The following DHRS7B variants were observed in gnomAD, a reference collection of about 807,000 sequenced individuals.
The protein encoded by DHRS7B is dehydrogenase/reductase 7B, also known as peroxisomal reductase activating PPAR-gamma.
DHRS7B carries 24 observed loss-of-function variants against 26.4 expected under a neutral mutation model. That is an observed-to-expected ratio of 0.91 (90% CI 0.66 to 1.28). The LOEUF (loss-of-function observed/expected upper bound fraction) is 1.28, where lower values mean the gene tolerates loss of function less well. Ranked by LOEUF, DHRS7B falls within the 50% of genes most tolerant of loss-of-function variation. DHRS7B has a pLI of 0.00. For synonymous variants in DHRS7B, 142 were observed against 166.4 expected (o/e 0.85, Z 1.13); for missense variants, 368 against 419.4 (o/e 0.88, Z 1.07).
chr17:21,132,522 C>A (rs1973256871), intron 1 of DHRS7B, among the ~76,000 whole-genome samples: 1 of 122,636 alleles, frequency 8.2e-6, no homozygotes, highest in African/African-American at 3.1e-5. Flanking sequence ...CAGAGGGAGA[C>A]CTTGTCTCAA....
chr17:21,187,047 A>G (rs577937411), intron 5 of DHRS7B, among the ~76,000 whole-genome samples: 1 of 151,574 alleles, frequency 6.6e-6, no homozygotes, highest in African/African-American at 2.4e-5. Context: ...GAAGAAAGCT[A>G]CTTGCAGGAA....
chr17:21,128,593 G>A (rs1973154273), intron 1 of DHRS7B: 3 of 152,202 alleles, frequency 2.0e-5, no homozygotes, highest in African/African-American at 7.2e-5. Flanking sequence ...CCAGCTACTA[G>A]GGAGGCTGAG....
intron 1 of DHRS7B, among the ~76,000 whole-genome samples, chr17:21,157,225 A>G (rs58963367): frequency 0.043 from 6,599 of 152,330 alleles, 182 homozygotes; most frequent in South Asian, 0.073. Context: ...TGAGACTTCC[A>G]TTACCCTAAT....
At chr17:21,176,071 C>T (rs1389469594) in intron 2 of DHRS7B, among the ~76,000 whole-genome samples, 5 of 151,996 alleles carry the variant, frequency 3.3e-5, no homozygotes, top group African/African-American at 7.2e-5. Context: ...GATCATGGCT[C>T]ACTTGACTTC....
chr17:21,191,344 G>A lies in DHRS7B; in HGVS notation c.*191G>A. ...ACGACAACAAGCTTCTTCCCAGGGT[G>A]AGGGGAAACACTTAAGGAATAAATA... On this transcript the variant is annotated 3_prime_UTR_variant, in exon 7 of 7. Coordinates refer to ENST00000395511, the MANE Select transcript of DHRS7B (RefSeq NM_015510.5). 1 of 612,786 alleles carries A rather than the reference G, an allele frequency of 1.6e-6. No individual in the cohort carries two copies. Among genetic ancestry groups the A allele is most frequent in the Middle Eastern group, 4.4e-4 (1 of 2,276 alleles). 38.0% of individuals were successfully genotyped at this position (612,786 alleles called of 1,614,324 possible). A position where few individuals can be genotyped will look rare whatever the true frequency, so the allele number is the denominator to read the frequency against.
intron 1 of DHRS7B, among the ~76,000 whole-genome samples, chr17:21,142,682 AC>A (rs965293279): frequency 4.5e-5 from 6 of 133,824 alleles, no homozygotes; most frequent in Admixed American, 1.5e-4. Context: ...CCACCCCCTC[AC>A]CCCCCTCCCC....
chr17:21,143,685 T>C (rs931992176), intron 1 of DHRS7B, among the ~76,000 whole-genome samples: 1 of 152,208 alleles, frequency 6.6e-6, no homozygotes, highest in African/African-American at 2.4e-5. Flanking sequence ...CAAATTATGA[T>C]AGTAAAATAG....
chr17:21,132,537 AAAAAAAAAAAAAC>A (rs1360733975), intron 1 of DHRS7B, among the ~76,000 whole-genome samples: 1 of 148,024 alleles, frequency 6.8e-6, no homozygotes, highest in Admixed American at 6.7e-5. Context: ...TCTCAAAAAA[AAAAAAAAAAAAAC>A]AAAAAAAAAA....
intron 1 of DHRS7B, among the ~76,000 whole-genome samples, chr17:21,131,974 T>C (rs1973239586): frequency 6.6e-6 from 1 of 152,180 alleles, no homozygotes; most frequent in Non-Finnish European, 1.5e-5. Flanking sequence ...CTGTACTGAG[T>C]TCCTATTAAG....
intron 3 of DHRS7B, among the ~76,000 whole-genome samples, chr17:21,182,307 G>C (rs1438674780): frequency 1.3e-5 from 2 of 151,584 alleles, no homozygotes; most frequent in African/African-American, 4.9e-5. Flanking sequence ...GGAGTGCAAT[G>C]GTGCGATCTC....
intron 1 of DHRS7B, among the ~76,000 whole-genome samples, chr17:21,149,752 C>A (rs766059731): frequency 2.6e-4 from 40 of 151,938 alleles, no homozygotes; most frequent in Non-Finnish European, 3.1e-4. Flanking sequence ...CTCATGGGAA[C>A]CACAATGCAA....
chr17:21,161,068 G>A (rs1973989506), intron 1 of DHRS7B, among the ~76,000 whole-genome samples: 2 of 152,198 alleles, frequency 1.3e-5, no homozygotes, highest in South Asian at 2.1e-4. Context: ...ATGAATAGGT[G>A]GAGCACAGAG....
rs1318440000 is a variant in DHRS7B at position 21,191,399 on chromosome 17, A to AAAT, written c.*249_*251dup. On this transcript the variant is annotated 3_prime_UTR_variant, in exon 7 of 7. Transcript: ENST00000395511. ...GCTGGGGTTTAACACTAAAAACTAGAAATAAACATCTCAAACAGTAAGAGT... is the reference window on the plus strand; with the variant it reads ...GCTGGGGTTTAACACTAAAAACTAGAAATAATAAACATCTCAAACAGTAAGAGT... 5 of 512,570 alleles carry AAAT rather than the reference A, an allele frequency of 9.8e-6. No homozygotes were observed. The East Asian group carries it at 1.7e-4, about 18-fold the overall frequency. 31.8% of individuals were successfully genotyped at this position (512,570 alleles called of 1,614,324 possible).
At chr17:21,143,012 TC>T (rs1973558691) in intron 1 of DHRS7B, among the ~76,000 whole-genome samples, 1 of 152,232 alleles carries the variant, frequency 6.6e-6, no homozygotes, top group South Asian at 2.1e-4. Context: ...CATCACAACC[TC>T]CACCTCCTGG....
At chr17:21,180,013 G>T (rs191278528) in intron 3 of DHRS7B, among the ~76,000 whole-genome samples, 1 of 150,132 alleles carries the variant, frequency 6.7e-6, no homozygotes, top group African/African-American at 2.5e-5. Flanking sequence ...CGATCCACCC[G>T]CCTGGGGCCT....
chr17:21,171,251 G>A (rs2144123113), intron 1 of DHRS7B, among the ~76,000 whole-genome samples: 1 of 152,356 alleles, frequency 6.6e-6, no homozygotes, highest in South Asian at 2.1e-4. Flanking sequence ...AGGTTCAGGG[G>A]AAATAAGGGC....
At chr17:21,147,537 A>T (rs1302643487) in intron 1 of DHRS7B, among the ~76,000 whole-genome samples, 2 of 152,110 alleles carry the variant, frequency 1.3e-5, no homozygotes, top group Admixed American at 1.3e-4. Flanking sequence ...AGAAATGAAA[A>T]AGCTCCGAGC....
At chr17:21,187,361 C>T (rs1482063048) in intron 5 of DHRS7B, among the ~76,000 whole-genome samples, 1 of 151,540 alleles carries the variant, frequency 6.6e-6, no homozygotes, top group Non-Finnish European at 1.5e-5. Context: ...TGCGGTGGCT[C>T]ACGCCTGTAA....
chr17:21,160,956 TC>T (rs772765595), intron 1 of DHRS7B, among the ~76,000 whole-genome samples: 11 of 152,188 alleles, frequency 7.2e-5, no homozygotes, highest in Non-Finnish European at 1.3e-4. Context: ...AAGTAGTCAA[TC>T]CGGAAAGGCT....
Sources: gnomAD v4.1 joint callset for allele counts (sites outside exome capture counted in the v4.1 genomes callset) on GRCh38, gnomAD v4.1.1 for gene constraint, MANE v1.5 for transcripts, NCBI Gene and HGNC (gene_info 2026-07-23, HGNC 2026-07-21) for gene names.